ZNF236: variants seen among roughly 807,000 people sequenced by gnomAD.
The protein encoded by ZNF236 is regulated by glucose.
A neutral mutation model predicts 191.2 loss-of-function variants in ZNF236; 50 were observed. The ratio of observed to expected loss-of-function variants is 0.26; its 90% CI spans 0.21 to 0.33. ZNF236 has a LOEUF of 0.33. Ranked by LOEUF, ZNF236 falls within the 10% of genes least tolerant of loss-of-function variation. The probability of loss-of-function intolerance (pLI) is 1.00; values close to 1 mark genes in which losing one functional copy is unlikely to be tolerated. For synonymous variants in ZNF236, 907 were observed against 928.8 expected, an observed-to-expected ratio of 0.98 and a Z score of 0.43; for missense variants, 1,754 against 2,374.5, an observed-to-expected ratio of 0.74 and a Z score of 5.43.
intron 22 of ZNF236, among the ~76,000 whole-genome samples, chr18:76,926,021 C>T (rs934860196): frequency 1.3e-5 from 2 of 152,140 alleles, no homozygotes; most frequent in Admixed American, 1.3e-4. Flanking sequence ...AGTCAGATGT[C>T]CTGTGTGCCC....
chr18:76,907,696 CT>C lies in ZNF236; in HGVS notation c.2298-610del, dbSNP rs56268678. On this transcript the variant is annotated intron_variant, in intron 13 of 30. Transcript: ENST00000320610. ...TCAGATAATTGTGTGAGATTTTTTT[CT>C]TTTTTTTTTTTTTCAAGTTCTCAGT... 6.0e-3 allele frequency among the ~76,000 whole-genome samples: 852 copies of C among 141,092 alleles called. 8 individuals are homozygous for C. The highest frequency in any genetic ancestry group is 0.019 in the African/African-American group (731 of 38,116). 92.6% of individuals were successfully genotyped at this position (141,092 alleles called of 152,430 possible).
At chr18:76,957,653 C>T (rs1968554153) in intron 28 of ZNF236, among the ~76,000 whole-genome samples, 1 of 152,116 alleles carries the variant, frequency 6.6e-6, no homozygotes, top group Non-Finnish European at 1.5e-5. Flanking sequence ...AATAATTTTT[C>T]CTGCTCCTCT....
Position 76,968,504 on chromosome 18 carries a change from A to C in ZNF236, c.*165A>C, listed in dbSNP as rs1389235808. 2 of 1,394,074 alleles carry C rather than the reference A, an allele frequency of 1.4e-6. No individual in the cohort carries two copies. Among genetic ancestry groups the C allele is most frequent in the South Asian group, 1.7e-5 (1 of 60,528 alleles). 86.4% of individuals were successfully genotyped at this position (1,394,074 alleles called of 1,614,324 possible). A position where few individuals can be genotyped will look rare whatever the true frequency, so the allele number is the denominator to read the frequency against. Reference sequence around the variant, plus strand: ...CATTGTCTTTCAGAGACTCATAGGAAAAAAAAACTAGGAAAAGTGTCACCG... The same window carrying C: ...CATTGTCTTTCAGAGACTCATAGGACAAAAAAACTAGGAAAAGTGTCACCG... On this transcript the variant is annotated 3_prime_UTR_variant, in exon 31 of 31. Transcript: ENST00000320610.
chr18:76,904,697 A>G (rs1223212703), intron 12 of ZNF236, among the ~76,000 whole-genome samples, 176 bp downstream of exon 12: 1 of 152,230 alleles, frequency 6.6e-6, no homozygotes, highest in Non-Finnish European at 1.5e-5. Flanking sequence ...CTTGACTAAA[A>G]TATTTTATCC....
chr18:76,847,737 A>T (rs577482586), intron 1 of ZNF236, among the ~76,000 whole-genome samples: 1 of 152,100 alleles, frequency 6.6e-6, no homozygotes, highest in Non-Finnish European at 1.5e-5. Context: ...CTGCCTCCCA[A>T]AGTGCTGGGA....
At position 76,877,515 on chromosome 18, in the gene ZNF236, AAAAG is replaced by A. The variant is rs375610368; in HGVS notation, c.841-490_841-487del. ...GAGCATCTCAAAAAAAAAAAAGAAA[AAAAG>A]AAAATTAGTTGTTGATACAGAATAT... is the stretch of plus-strand genomic sequence containing the variant. On this transcript the variant is annotated intron_variant, in intron 6 of 30. Coordinates refer to ENST00000320610, the MANE Select transcript of ZNF236 (RefSeq NM_001306089.2). Among the ~76,000 whole-genome samples, 89 of 152,234 alleles carry A rather than the reference AAAAG, an allele frequency of 5.8e-4. 3 individuals carry two copies. In the South Asian group the frequency reaches 8.7e-3, roughly 15 times the overall value.
chr18:76,961,405 G>A (rs1042381937), intron 30 of ZNF236, among the ~76,000 whole-genome samples: 1 of 129,614 alleles, frequency 7.7e-6, no homozygotes, highest in Admixed American at 8.0e-5. Context: ...GTGTGTGTGT[G>A]TATTTATGTA....
chr18:76,885,796 G>T (rs1977032552), intron 9 of ZNF236: 1 of 152,248 alleles, frequency 6.6e-6, no homozygotes, highest in Non-Finnish European at 1.5e-5. Context: ...TCTTCCTCCA[G>T]GCAAGTAATC....
intron 1 of ZNF236, among the ~76,000 whole-genome samples, chr18:76,841,682 G>GTTTTTTTTTTTTTTTTT (rs1296377006): frequency 7.3e-6 from 1 of 137,094 alleles, no homozygotes; most frequent in Non-Finnish European, 1.6e-5. Flanking sequence ...TAGCAACTGG[G>GTTTTTTTTTTTTTTTTT]TTTTTTTTTT....
Position 76,881,415 on chromosome 18 carries a change from C to T in ZNF236, c.1320C>T (p.Asp440=). The change falls in exon 9 of 31, where the codon GAC becomes GAT. Residue 440 remains aspartate, a synonymous_variant. Transcript: ENST00000320610. ...DVSSVSNEQT[D]PTDAEQEKEQ... ...CCAGCGTTTCAAATGAGCAGACGGA[C>T]CCCACAGACGCAGAGCAAGAAAAAG... The T allele has an allele frequency of 6.2e-7, 1 of 1,613,908 alleles. No individual in the cohort carries two copies. Among genetic ancestry groups the T allele is most frequent in the Middle Eastern group, 1.6e-4 (1 of 6,062 alleles).
At chr18:76,832,983 G>A (rs1975216796) in intron 1 of ZNF236, among the ~76,000 whole-genome samples, 1 of 151,980 alleles carries the variant, frequency 6.6e-6, no homozygotes, top group Non-Finnish European at 1.5e-5. Context: ...TGAAACTATT[G>A]TTGATGGTAT....
At chr18:76,921,062 G>A (rs530369110) in intron 20 of ZNF236, among the ~76,000 whole-genome samples, 3 of 152,252 alleles carry the variant, frequency 2.0e-5, no homozygotes, top group Non-Finnish European at 2.9e-5. Flanking sequence ...ACCAAAGGGT[G>A]TGTTCCTTGT....
chr18:76,891,657 C>A lies in ZNF236; in HGVS notation c.1418-3356C>A, dbSNP rs146010187. On this transcript the variant is annotated intron_variant, in intron 9 of 30. Coordinates refer to ENST00000320610, the MANE Select transcript of ZNF236 (RefSeq NM_001306089.2). Reference sequence around the variant, plus strand: ...CCTCCCAAAGTGCTGGTATTACAGTCATGAGCCACTATGCTTGTCCATAAT... The same window carrying A: ...CCTCCCAAAGTGCTGGTATTACAGTAATGAGCCACTATGCTTGTCCATAAT... 6.1e-4 allele frequency among the ~76,000 whole-genome samples: 93 copies of A among 152,274 alleles called. 3 individuals are homozygous for A. In the South Asian group the frequency reaches 8.9e-3, roughly 15 times the overall value.
chr18:76,943,553 CTT>C (rs777619992), intron 26 of ZNF236, among the ~76,000 whole-genome samples: 7 of 152,172 alleles, frequency 4.6e-5, no homozygotes, highest in South Asian at 2.1e-4. Context: ...AAAAAACAAA[CTT>C]ATTATTACAG....
intron 9 of ZNF236, among the ~76,000 whole-genome samples, chr18:76,890,227 A>C (rs756216682): frequency 1.3e-5 from 2 of 152,110 alleles, no homozygotes; most frequent in Non-Finnish European, 2.9e-5. Context: ...CTGTTTAGCT[A>C]TTTTTTTCCT....
At position 76,925,020 on chromosome 18, in the gene ZNF236, A is replaced by G. The variant is rs555541655; in HGVS notation, c.3662-169A>G. 2.4e-3 allele frequency among the ~76,000 whole-genome samples: 373 copies of G among 152,360 alleles called. 1 individual carries two copies. Among genetic ancestry groups the G allele is most frequent in the African/African-American group, 7.4e-3 (307 of 41,580 alleles). ...TACACTGTTAAATTTACAATACTGC[A>G]GCAATTGCCTGTGACGTCCGTAACA... On this transcript the variant is annotated intron_variant, in intron 21 of 30. Transcript: ENST00000320610. This position sits in a 1 kb window ranked among gnomAD's most constrained non-coding sequence, Gnocchi z 5.7.
intron 28 of ZNF236, among the ~76,000 whole-genome samples, chr18:76,959,191 C>T (rs470469): frequency 0.49 from 75,182 of 152,124 alleles, 20,437 homozygotes; most frequent in Non-Finnish European, 0.61. Context: ...ATGGGCATTC[C>T]GTGAGGACTT....
chr18:76,839,731 A>C (rs1003189479), intron 1 of ZNF236, among the ~76,000 whole-genome samples: 1 of 151,976 alleles, frequency 6.6e-6, no homozygotes, highest in African/African-American at 2.4e-5. Flanking sequence ...TGGGGACAGA[A>C]TCTCAGAATG....
chr18:76,852,619 G>A (rs933149589), intron 3 of ZNF236, among the ~76,000 whole-genome samples: 2 of 151,254 alleles, frequency 1.3e-5, no homozygotes, highest in Non-Finnish European at 2.9e-5. Flanking sequence ...GGACAACATA[G>A]TGAGACCCCA....
Sources: allele counts gnomAD v4.1 joint callset (sites outside exome capture counted in the v4.1 genomes callset), GRCh38; gene constraint gnomAD v4.1.1; non-coding constraint Gnocchi (gnomAD v3.1); transcripts MANE v1.5; gene names NCBI Gene and HGNC (gene_info 2026-07-23, HGNC 2026-07-21).